The following DGCR2 variants were observed in gnomAD, a reference collection of about 807,000 sequenced individuals.
DGCR2 encodes integral membrane protein DGCR2/IDD.
A neutral mutation model predicts 51.6 loss-of-function variants in DGCR2; 24 were observed. The ratio of observed to expected loss-of-function variants is 0.47; its 90% CI spans 0.34 to 0.65. The LOEUF (loss-of-function observed/expected upper bound fraction) is 0.65, where lower values mean the gene tolerates loss of function less well. DGCR2 is among the 30% of genes least tolerant of loss of function. The probability of loss-of-function intolerance (pLI) is 0.01; values close to 1 mark genes in which losing one functional copy is unlikely to be tolerated. For missense variants in DGCR2, 765 were observed against 772.1 expected (o/e 0.99, Z 0.11); for synonymous variants, 340 against 315.4 (o/e 1.08, Z -0.82).
chr22:19,108,090 G>A (rs1161962272), intron 1 of DGCR2, among the ~76,000 whole-genome samples: 1 of 152,184 alleles, frequency 6.6e-6, no homozygotes, highest in Non-Finnish European at 1.5e-5. Flanking sequence ...GAGAAGAGCA[G>A]GAGGAGAACC....
At chr22:19,086,767 A>G (rs2083021614) in intron 2 of DGCR2, among the ~76,000 whole-genome samples, 2 of 152,184 alleles carry the variant, frequency 1.3e-5, no homozygotes, top group Non-Finnish European at 2.9e-5. Flanking sequence ...ACATATGGCA[A>G]CCAATGTAAC....
chr22:19,094,598 A>G (rs1288952163), intron 1 of DGCR2, among the ~76,000 whole-genome samples: 2 of 152,238 alleles, frequency 1.3e-5, no homozygotes, highest in East Asian at 1.9e-4. Context: ...GTTTCTTTAA[A>G]AACTGAATGT....
rs11471797 is a variant in DGCR2 at position 19,062,779 on chromosome 22, ACTCTCTCTCT to A, written c.625+413_625+422del. Among the ~76,000 whole-genome samples, 3 of 127,354 alleles carry A rather than the reference ACTCTCTCTCT, an allele frequency of 2.4e-5. 1 individual carries two copies. Among genetic ancestry groups the A allele is most frequent in the African/African-American group, 8.1e-5 (3 of 37,160 alleles). 83.5% of individuals were successfully genotyped at this position (127,354 alleles called of 152,430 possible). ...TGCGCACACACACACATGCATGCTC[ACTCTCTCTCT>A]CTCTCTCTCTCTCTCTCTATCTGCC... is the stretch of plus-strand genomic sequence containing the variant. On this transcript the variant is annotated intron_variant, in intron 5 of 9. Coordinates refer to ENST00000263196, the MANE Select transcript of DGCR2 (RefSeq NM_005137.3).
intron 5 of DGCR2, among the ~76,000 whole-genome samples, chr22:19,062,779 A>ACGCTCTCTCTCTCT (rs1555903895): frequency 7.9e-6 from 1 of 127,354 alleles, no homozygotes; most frequent in African/African-American, 2.7e-5. Context: ...ATGCATGCTC[A>ACGCTCTCTCTCTCT]CTCTCTCTCT....
chr22:19,083,649 T>C (rs1259715361), intron 2 of DGCR2, among the ~76,000 whole-genome samples: 1 of 151,908 alleles, frequency 6.6e-6, no homozygotes, highest in African/African-American at 2.4e-5. Context: ...CTTTTGTTAA[T>C]TCTCGTTTAT....
intron 5 of DGCR2, chr22:19,061,871 T>G (rs1481764170): frequency 6.6e-6 from 1 of 152,188 alleles, no homozygotes; most frequent in Non-Finnish European, 1.5e-5. Flanking sequence ...AGCACCAACA[T>G]ACGTGTTCAA....
intron 7 of DGCR2, among the ~76,000 whole-genome samples, chr22:19,044,243 C>T (rs2082463900): frequency 6.6e-6 from 1 of 151,850 alleles, no homozygotes; most frequent in African/African-American, 2.4e-5. Context: ...CAGAGGCCAG[C>T]CCAGGGGCCC....
chr22:19,077,403 T>C (rs1258116333), intron 2 of DGCR2, among the ~76,000 whole-genome samples: 1 of 152,250 alleles, frequency 6.6e-6, no homozygotes, highest in Non-Finnish European at 1.5e-5. Flanking sequence ...TTGATTTGTA[T>C]GTCCAGTTTT....
At chr22:19,099,743 C>T (rs373669470) in intron 1 of DGCR2, among the ~76,000 whole-genome samples, 1 of 142,806 alleles carries the variant, frequency 7.0e-6, no homozygotes, top group African/African-American at 2.6e-5. Flanking sequence ...GGCCAAGGCA[C>T]GTGGATCACA....
intron 4 of DGCR2, among the ~76,000 whole-genome samples, chr22:19,063,833 C>T (rs1223286620): frequency 1.3e-5 from 2 of 152,164 alleles, no homozygotes; most frequent in East Asian, 1.9e-4. Context: ...GACATGAAAC[C>T]CCATGAATAC....
intron 1 of DGCR2, among the ~76,000 whole-genome samples, chr22:19,103,416 C>CTTTTTTTTTTTTTTTTTT (rs55877455): frequency 1.5e-5 from 1 of 67,716 alleles, no homozygotes; most frequent in Non-Finnish European, 3.0e-5. Context: ...AAAAAAAGTT[C>CTTTTTTTTTTTTTTTTTT]TTTTTTTTTT....
At chr22:19,111,542 C>A (rs2083314069) in intron 1 of DGCR2, among the ~76,000 whole-genome samples, 1 of 152,192 alleles carries the variant, frequency 6.6e-6, no homozygotes, top group South Asian at 2.1e-4. Flanking sequence ...GTCTTAGCAT[C>A]CTAATCTCCA....
intron 1 of DGCR2, among the ~76,000 whole-genome samples, chr22:19,100,323 T>C (rs1215199874): frequency 6.6e-6 from 1 of 152,084 alleles, no homozygotes; most frequent in Non-Finnish European, 1.5e-5. Flanking sequence ...CAAGGTCCTG[T>C]CCCAGGCCTT....
intron 1 of DGCR2, among the ~76,000 whole-genome samples, chr22:19,099,303 C>T (rs1440511495): frequency 2.0e-5 from 3 of 152,168 alleles, no homozygotes; most frequent in East Asian, 1.9e-4. Context: ...CCACTGACTA[C>T]GCGTGGTGAC....
chr22:19,041,489 C>G, intron 8 of DGCR2, 195 bp from the exon 9 acceptor site: 1 of 622,790 alleles, frequency 1.6e-6, no homozygotes, highest in Admixed American at 2.9e-5. Flanking sequence ...CTCACCCTCA[C>G]CACACCAACC....
chr22:19,089,605 A>T, intron 1 of DGCR2, 115 bp from the exon 2 acceptor site: 1 of 1,204,204 alleles, frequency 8.3e-7, no homozygotes, highest in Non-Finnish European at 1.1e-6. Flanking sequence ...TTTGAGACAG[A>T]GTCTCATTCT....
intron 1 of DGCR2, among the ~76,000 whole-genome samples, chr22:19,111,404 CATCAGCTT>C (rs2083313054): frequency 6.6e-6 from 1 of 152,202 alleles, no homozygotes; most frequent in South Asian, 2.1e-4. Context: ...ACAGCTCTTT[CATCAGCTT>C]TTGGAATCAT....
At chr22:19,090,128 G>A (rs2146014389) in intron 1 of DGCR2, among the ~76,000 whole-genome samples, 1 of 152,226 alleles carries the variant, frequency 6.6e-6, no homozygotes, top group Admixed American at 6.6e-5. Flanking sequence ...AAAGATTAGT[G>A]ACTTGAAGAT....
chr22:19,074,899 G>C (rs1187609241), intron 2 of DGCR2, among the ~76,000 whole-genome samples: 2 of 152,124 alleles, frequency 1.3e-5, no homozygotes, highest in Non-Finnish European at 2.9e-5. Context: ...TACAGGGGTT[G>C]ATGTCCTCTG....
Sources: gnomAD v4.1 joint callset for allele counts (sites outside exome capture counted in the v4.1 genomes callset) on GRCh38, gnomAD v4.1.1 for gene constraint, MANE v1.5 for transcripts, NCBI Gene and HGNC (gene_info 2026-07-23, HGNC 2026-07-21) for gene names.